SCFD2: variants seen among roughly 807,000 people sequenced by gnomAD.
SCFD2 encodes sec1 family domain containing 2.
A neutral mutation model predicts 58.9 loss-of-function variants in SCFD2; 54 were observed. The observed-to-expected ratio is 0.92, with a 90% CI of 0.74 to 1.15. The LOEUF (loss-of-function observed/expected upper bound fraction) is 1.15, where lower values mean the gene tolerates loss of function less well. Among genes scored for constraint, SCFD2 ranks in the 50% most tolerant of loss-of-function variants. The pLI, the probability that SCFD2 is intolerant of heterozygous loss-of-function variation, is 0.00. For missense variants in SCFD2, 805 were observed against 836.6 expected (o/e 0.96, Z 0.47); for synonymous variants, 321 against 335.9 (o/e 0.96, Z 0.49).
chr4:53,168,527 T>G (rs184285600), intron 4 of SCFD2, among the ~76,000 whole-genome samples: 1 of 152,222 alleles, frequency 6.6e-6, no homozygotes, highest in African/African-American at 2.4e-5. Flanking sequence ...ATAAACTATA[T>G]ATAAAATGTG....
intron 4 of SCFD2, among the ~76,000 whole-genome samples, chr4:53,249,867 C>T (rs1730287646): frequency 6.6e-6 from 1 of 152,192 alleles, no homozygotes; most frequent in African/African-American, 2.4e-5. Flanking sequence ...TAAAGACCAT[C>T]AAGGCTAGGA....
intron 5 of SCFD2, among the ~76,000 whole-genome samples, chr4:53,007,955 T>G (rs1722014490): frequency 6.6e-6 from 1 of 152,168 alleles, no homozygotes; most frequent in South Asian, 2.1e-4. Flanking sequence ...TGAGCTGGGC[T>G]CTAATGAATG....
intron 3 of SCFD2, among the ~76,000 whole-genome samples, chr4:53,274,817 C>G (rs182058346): frequency 6.6e-6 from 1 of 152,196 alleles, no homozygotes; most frequent in African/African-American, 2.4e-5. Context: ...CCATGCTATG[C>G]GCAAAGCTCT....
At chr4:53,171,358 A>C (rs1727172230) in intron 4 of SCFD2, among the ~76,000 whole-genome samples, 1 of 152,216 alleles carries the variant, frequency 6.6e-6, no homozygotes, top group African/African-American at 2.4e-5. Context: ...TCCCAGGGAT[A>C]AATCCAACTT....
At chr4:52,949,315 A>G (rs1720525651) in intron 5 of SCFD2, 3 of 151,466 alleles carry the variant, frequency 2.0e-5, no homozygotes, top group South Asian at 4.1e-4. Context: ...ATATTTTAAC[A>G]ATGGCATCTT....
chr4:52,923,355 A>G (rs1719786018), intron 5 of SCFD2, among the ~76,000 whole-genome samples: 1 of 152,006 alleles, frequency 6.6e-6, no homozygotes, highest in Admixed American at 6.6e-5. Flanking sequence ...CAGGCCGCGT[A>G]TAATCCGAGC....
chr4:53,023,184 TATTAC>T (rs908011228), intron 5 of SCFD2, among the ~76,000 whole-genome samples: 3 of 152,168 alleles, frequency 2.0e-5, no homozygotes, highest in African/African-American at 7.2e-5. Flanking sequence ...TTTCCTGTGA[TATTAC>T]ATTTAATTTT....
In SCFD2 at chr4:53,253,307, C is replaced by T. The variant is rs557482213; in HGVS notation, c.1311+20519G>A. On this transcript the variant is annotated intron_variant, in intron 4 of 8. Transcript: ENST00000401642. ...CTGTTGGTGGGATTGTAAACTAGTT[C>T]AACCATTGTGGAAGTCAGTGTGGCG... is the stretch of plus-strand genomic sequence containing the variant. Among the ~76,000 whole-genome samples the T allele has an allele frequency of 9.2e-3, 1,393 of 152,194 alleles. 22 individuals carry two copies. The highest frequency in any genetic ancestry group is 0.032 in the African/African-American group (1,314 of 41,534).
chr4:53,306,419 T>C (rs1157755389), intron 3 of SCFD2, among the ~76,000 whole-genome samples: 1 of 152,072 alleles, frequency 6.6e-6, no homozygotes, highest in Non-Finnish European at 1.5e-5. Flanking sequence ...AAAGAAGACG[T>C]GATCAGATGC....
intron 4 of SCFD2, among the ~76,000 whole-genome samples, chr4:53,196,638 A>G (rs1293533016): frequency 1.3e-5 from 2 of 152,074 alleles, no homozygotes; most frequent in African/African-American, 4.8e-5. Context: ...GACTTTAACA[A>G]TGATTCATAT....
intron 5 of SCFD2, among the ~76,000 whole-genome samples, chr4:53,070,555 TTGAC>T (rs1022654851): frequency 8.5e-5 from 13 of 152,082 alleles, no homozygotes; most frequent in African/African-American, 3.1e-4. Context: ...AAATAAGTCA[TTGAC>T]TTATGATGTG....
intron 6 of SCFD2, among the ~76,000 whole-genome samples, chr4:52,907,952 C>T (rs1267609839): frequency 6.6e-6 from 1 of 152,162 alleles, no homozygotes; most frequent in Non-Finnish European, 1.5e-5. Flanking sequence ...GACATGAAGA[C>T]ATGAAGATGG....
At chr4:53,332,133 A>T (rs1309699973) in intron 2 of SCFD2, among the ~76,000 whole-genome samples, 2 of 151,508 alleles carry the variant, frequency 1.3e-5, no homozygotes, top group Admixed American at 1.3e-4. Flanking sequence ...AGAGTCCAGG[A>T]CCAGACGGAT....
At chr4:53,335,879 C>T (rs1041035585) in intron 2 of SCFD2, among the ~76,000 whole-genome samples, 1 of 152,054 alleles carries the variant, frequency 6.6e-6, no homozygotes, top group African/African-American at 2.4e-5. Flanking sequence ...TGCTCACAAC[C>T]CTTCTCCTAG....
At chr4:53,280,025 ATTC>A (rs1264828015) in intron 3 of SCFD2, among the ~76,000 whole-genome samples, 2 of 152,216 alleles carry the variant, frequency 1.3e-5, no homozygotes, top group Non-Finnish European at 2.9e-5. Context: ...ATCAGAAGCT[ATTC>A]TTCCAATTAC....
At chr4:53,247,396 C>T (rs1463859899) in intron 4 of SCFD2, among the ~76,000 whole-genome samples, 1 of 152,004 alleles carries the variant, frequency 6.6e-6, no homozygotes. Context: ...TAGGTATGTA[C>T]CCAAAAAAAT....
intron 4 of SCFD2, among the ~76,000 whole-genome samples, chr4:53,261,642 A>T (rs910191985): frequency 6.6e-5 from 10 of 152,126 alleles, no homozygotes; most frequent in Admixed American, 2.6e-4. Flanking sequence ...GTGGCCTATC[A>T]TATAGTCTAT....
intron 6 of SCFD2, among the ~76,000 whole-genome samples, chr4:52,911,208 T>C (rs1719478123): frequency 6.6e-6 from 1 of 152,200 alleles, no homozygotes; most frequent in African/African-American, 2.4e-5. Context: ...ACAGTGTATC[T>C]GGGGTGATAG....
intron 5 of SCFD2, among the ~76,000 whole-genome samples, chr4:53,036,282 C>G (rs954956553): frequency 1.3e-5 from 2 of 151,456 alleles, no homozygotes; most frequent in African/African-American, 2.4e-5. Flanking sequence ...ATTACTCATT[C>G]CCACTTACGT....
Sources: allele counts gnomAD v4.1 joint callset (sites outside exome capture counted in the v4.1 genomes callset), GRCh38; gene constraint gnomAD v4.1.1; transcripts MANE v1.5; gene names NCBI Gene and HGNC (gene_info 2026-07-23, HGNC 2026-07-21).